The following CEP112 variants were observed in gnomAD, a reference collection of about 807,000 sequenced individuals.
The protein encoded by CEP112 is centrosomal protein of 112 kDa.
A neutral mutation model predicts 153.0 loss-of-function variants in CEP112; 127 were observed. That is an observed-to-expected ratio of 0.83 (90% confidence interval 0.72 to 0.96). The LOEUF is 0.96. Ranked by LOEUF, CEP112 falls within the 40% of genes least tolerant of loss-of-function variation. The probability of loss-of-function intolerance (pLI) is 0.00; values close to 1 mark genes in which losing one functional copy is unlikely to be tolerated. For synonymous variants in CEP112, 358 were observed against 374.4 expected, an observed-to-expected ratio of 0.96 and a Z score of 0.51; for missense variants, 1,089 against 1,101.2, an observed-to-expected ratio of 0.99 and a Z score of 0.16.
At chr17:66,062,238 T>C (rs968422710) in intron 11 of CEP112, among the ~76,000 whole-genome samples, 3 of 152,094 alleles carry the variant, frequency 2.0e-5, no homozygotes, top group Non-Finnish European at 2.9e-5. Context: ...TGGACACTAA[T>C]ATAGGAGAAA....
intron 25 of CEP112, among the ~76,000 whole-genome samples, chr17:65,638,367 G>C (rs918317005): frequency 3.9e-5 from 6 of 152,174 alleles, no homozygotes; most frequent in Admixed American, 3.9e-4. Flanking sequence ...GTATTTGATC[G>C]TTTCAGAATT....
At chr17:65,797,229 C>T (rs1441960474) in intron 21 of CEP112, 1 of 152,252 alleles carries the variant, frequency 6.6e-6, no homozygotes, top group Non-Finnish European at 1.5e-5. Context: ...GCTGGAGCAG[C>T]ATAACATCTG....
At chr17:65,985,686 A>G (rs1324721165) in intron 17 of CEP112, among the ~76,000 whole-genome samples, 2 of 152,092 alleles carry the variant, frequency 1.3e-5, no homozygotes, top group Non-Finnish European at 2.9e-5. Flanking sequence ...TAAAAGAAAA[A>G]CCATTTGGGA....
intron 12 of CEP112, among the ~76,000 whole-genome samples, chr17:66,052,048 G>A (rs1302055356): frequency 6.6e-6 from 1 of 152,168 alleles, no homozygotes; most frequent in Non-Finnish European, 1.5e-5. Flanking sequence ...ATGAAGTATA[G>A]GGTATTTCAT....
chr17:65,727,784 G>T (rs1186327982), intron 23 of CEP112, among the ~76,000 whole-genome samples: 1 of 152,182 alleles, frequency 6.6e-6, no homozygotes, highest in Non-Finnish European at 1.5e-5. Flanking sequence ...CTAGGAATCA[G>T]GCCAGGGCTT....
intron 23 of CEP112, among the ~76,000 whole-genome samples, chr17:65,690,659 G>A (rs2048065378): frequency 6.6e-6 from 1 of 152,102 alleles, no homozygotes; most frequent in African/African-American, 2.4e-5. Flanking sequence ...GAGAGAGCAA[G>A]TCACATGTAA....
At chr17:65,711,585 T>C (rs1247147241) in intron 23 of CEP112, among the ~76,000 whole-genome samples, 1 of 152,210 alleles carries the variant, frequency 6.6e-6, no homozygotes, top group East Asian at 1.9e-4. Flanking sequence ...ATGGAAACTC[T>C]ATATTAGGGC....
At chr17:65,953,285 A>G (rs2061896340) in intron 18 of CEP112, among the ~76,000 whole-genome samples, 1 of 152,184 alleles carries the variant, frequency 6.6e-6, no homozygotes, top group Non-Finnish European at 1.5e-5. Context: ...TTTAATATGT[A>G]GTGTCAAATG....
chr17:66,095,191 T>C (rs2068289938), intron 8 of CEP112, among the ~76,000 whole-genome samples: 1 of 152,164 alleles, frequency 6.6e-6, no homozygotes, highest in Non-Finnish European at 1.5e-5. Context: ...AAGAGCTATC[T>C]GCACCCCCAT....
intron 18 of CEP112, among the ~76,000 whole-genome samples, chr17:65,950,332 C>G (rs1161538213): frequency 6.6e-6 from 1 of 152,146 alleles, no homozygotes; most frequent in African/African-American, 2.4e-5. Flanking sequence ...GAATTACCAT[C>G]TTGACAAAAT....
intron 17 of CEP112, among the ~76,000 whole-genome samples, chr17:65,971,459 C>T (rs1359061559): frequency 2.2e-5 from 2 of 90,606 alleles, no homozygotes; most frequent in East Asian, 2.0e-3. Context: ...GCATGCATAT[C>T]ACACACATGT....
chr17:65,808,910 T>C (rs2055777635), intron 21 of CEP112, among the ~76,000 whole-genome samples: 1 of 152,198 alleles, frequency 6.6e-6, no homozygotes, highest in South Asian at 2.1e-4. Context: ...TAGATTAATG[T>C]CATCATTGCA....
chr17:65,870,053 G>GAA (rs1265040772), intron 20 of CEP112, among the ~76,000 whole-genome samples: 1 of 73,400 alleles, frequency 1.4e-5, no homozygotes, highest in Non-Finnish European at 3.3e-5. Flanking sequence ...AAGAAAGAAA[G>GAA]AAAGAAAGAA....
At chr17:65,961,357 T>C (rs546289688) in intron 18 of CEP112, 106 bp downstream of exon 18, 4 of 1,141,654 alleles carry the variant, frequency 3.5e-6, no homozygotes, top group East Asian at 2.5e-5. Flanking sequence ...CTAATTTTGA[T>C]ACAGCTCTTT....
chr17:66,092,969 T>A (rs1386661169), intron 8 of CEP112, among the ~76,000 whole-genome samples: 2 of 152,158 alleles, frequency 1.3e-5, no homozygotes, highest in African/African-American at 4.8e-5. Flanking sequence ...GACAAAGATG[T>A]CCACTCTCAC....
intron 23 of CEP112, among the ~76,000 whole-genome samples, chr17:65,724,381 T>C (rs2050059018): frequency 6.6e-6 from 1 of 152,222 alleles, no homozygotes; most frequent in Admixed American, 6.5e-5. Context: ...TACCATGCGA[T>C]ATTATAGATT....
intron 6 of CEP112, among the ~76,000 whole-genome samples, chr17:66,128,789 C>G (rs2069985235): frequency 1.3e-5 from 2 of 151,992 alleles, no homozygotes. Context: ...ATAAATGCTA[C>G]CATTCACAGT....
chr17:66,173,717 T>A (rs1379259557), intron 4 of CEP112, among the ~76,000 whole-genome samples: 1 of 152,232 alleles, frequency 6.6e-6, no homozygotes, highest in East Asian at 1.9e-4. Context: ...CTACAAAAAT[T>A]CTACAATTAC....
At position 65,851,792 on chromosome 17, in the gene CEP112, T is replaced by C. The variant is rs367585528; in HGVS notation, c.2394+12A>G. On this transcript the variant is annotated intron_variant, in intron 21 of 26. Transcript: ENST00000535342. ...TTCAACTGCCTATTAAAAAACTAGT[T>C]AAATATCTTACCTTTTCCAGTGTCA... is the stretch of plus-strand genomic sequence containing the variant. 25 of 1,594,682 alleles carry C rather than the reference T, an allele frequency of 1.6e-5. No individual in the cohort carries two copies. Among genetic ancestry groups the C allele is most frequent in the Non-Finnish European group, 2.1e-5 (24 of 1,167,554 alleles).
Sources: gnomAD v4.1 joint callset for allele counts (sites outside exome capture counted in the v4.1 genomes callset) on GRCh38, gnomAD v4.1.1 for gene constraint, MANE v1.5 for transcripts, NCBI Gene and HGNC (gene_info 2026-07-23, HGNC 2026-07-21) for gene names.